Variants in CCNY observed in about 807,000 individuals in gnomAD.
CCNY encodes cyclin-Y.
A neutral mutation model predicts 42.8 loss-of-function variants in CCNY; 19 were observed. The ratio of observed to expected loss-of-function variants is 0.44; its 90% CI spans 0.31 to 0.65. The LOEUF is 0.65. CCNY is among the 30% of genes least tolerant of loss of function. The pLI is 0.07. For synonymous variants in CCNY, 165 were observed against 162.7 expected, an observed-to-expected ratio of 1.01 and a Z score of -0.11; for missense variants, 370 against 437.3, an observed-to-expected ratio of 0.85 and a Z score of 1.37.
intron 3 of CCNY, among the ~76,000 whole-genome samples, chr10:35,274,433 G>A (rs1181299113): frequency 6.6e-6 from 1 of 152,112 alleles, no homozygotes; most frequent in Admixed American, 6.6e-5. Flanking sequence ...GGGGTGGGGA[G>A]GGAATATCCC....
intron 1 of CCNY, among the ~76,000 whole-genome samples, chr10:35,384,877 T>C (rs771562408): frequency 2.0e-5 from 3 of 152,296 alleles, no homozygotes; most frequent in South Asian, 4.1e-4. Flanking sequence ...ATTGATGCCT[T>C]GGTGGGATTA....
intron 3 of CCNY, among the ~76,000 whole-genome samples, chr10:35,306,657 C>A (rs1292448165): frequency 6.6e-6 from 1 of 151,984 alleles, no homozygotes; most frequent in East Asian, 1.9e-4. Context: ...ACTGTCCTCA[C>A]CCCTTCTCCC....
chr10:35,266,887 C>T (rs2095726123), intron 3 of CCNY, among the ~76,000 whole-genome samples: 1 of 151,860 alleles, frequency 6.6e-6, no homozygotes, highest in Admixed American at 6.6e-5. Context: ...AGTTCGAGAC[C>T]AGCCTGGCCA....
chr10:35,427,788 T>C (rs954581323), intron 1 of CCNY, among the ~76,000 whole-genome samples: 5 of 152,112 alleles, frequency 3.3e-5, no homozygotes, highest in Non-Finnish European at 7.4e-5. Context: ...TAAAGCAGAG[T>C]GAAGTTAAAC....
intron 7 of CCNY, among the ~76,000 whole-genome samples, chr10:35,543,252 G>A (rs1042146802): frequency 6.6e-5 from 10 of 152,288 alleles, no homozygotes; most frequent in Admixed American, 3.3e-4. Flanking sequence ...TAGTTCTACA[G>A]CTGTGACATA....
At chr10:35,443,020 C>G (rs914068749) in intron 1 of CCNY, among the ~76,000 whole-genome samples, 1 of 152,140 alleles carries the variant, frequency 6.6e-6, no homozygotes, top group Non-Finnish European at 1.5e-5. Context: ...ACTTGTATAT[C>G]TAAACATCCC....
chr10:35,474,456 G>T (rs1164084478), intron 1 of CCNY, among the ~76,000 whole-genome samples: 4 of 152,172 alleles, frequency 2.6e-5, no homozygotes, highest in Admixed American at 2.0e-4. Flanking sequence ...ATCTGGGAAC[G>T]GGCAGACTGC....
intron 3 of CCNY, among the ~76,000 whole-genome samples, chr10:35,257,313 C>CT (rs1358077081): frequency 3.3e-5 from 4 of 122,336 alleles, no homozygotes; most frequent in Non-Finnish European, 3.4e-5. Flanking sequence ...CTCTTTCTTT[C>CT]TGTTTTTTTT....
At chr10:35,438,028 G>C (rs1198436389) in intron 1 of CCNY, among the ~76,000 whole-genome samples, 2 of 152,144 alleles carry the variant, frequency 1.3e-5, no homozygotes, top group East Asian at 1.9e-4. Flanking sequence ...ACTCTTACCA[G>C]CTTCTGTGTG....
At chr10:35,469,537 A>AAGATGGAGAGGCAGAACGGG (rs1839340676) in intron 1 of CCNY, among the ~76,000 whole-genome samples, 1 of 152,204 alleles carries the variant, frequency 6.6e-6, no homozygotes, top group Non-Finnish European at 1.5e-5. Flanking sequence ...TGGAAAGAGG[A>AAGATGGAGAGGCAGAACGGG]AGATGGAGAG....
intron 3 of CCNY, among the ~76,000 whole-genome samples, chr10:35,276,004 T>G (rs147286420): frequency 1.3e-5 from 2 of 152,224 alleles, no homozygotes; most frequent in Non-Finnish European, 2.9e-5. Context: ...TGGTTACCCA[T>G]GTAAGCAGCC....
At chr10:35,511,675 C>T (rs1316761666) in intron 3 of CCNY, among the ~76,000 whole-genome samples, 1 of 152,122 alleles carries the variant, frequency 6.6e-6, no homozygotes, top group Non-Finnish European at 1.5e-5. Flanking sequence ...GGAATTCTAC[C>T]CTGCAGTGCA....
At chr10:35,344,769 C>T (rs1237727505) in intron 1 of CCNY, among the ~76,000 whole-genome samples, 1 of 152,082 alleles carries the variant, frequency 6.6e-6, no homozygotes, top group Non-Finnish European at 1.5e-5. Context: ...TGTTCCCCTT[C>T]CTGTGTCCAT....
At chr10:35,499,569 C>T (rs1840069720) in intron 2 of CCNY, among the ~76,000 whole-genome samples, 1 of 152,218 alleles carries the variant, frequency 6.6e-6, no homozygotes, top group African/African-American at 2.4e-5. Flanking sequence ...TGAATAATTC[C>T]TAATCTTCTC....
intron 7 of CCNY, among the ~76,000 whole-genome samples, chr10:35,545,569 C>G (rs1369087781): frequency 6.6e-6 from 1 of 152,182 alleles, no homozygotes; most frequent in Non-Finnish European, 1.5e-5. Flanking sequence ...CTAATGACCT[C>G]GTTTTAACTC....
At chr10:35,342,007 T>G (rs1836192219) in intron 1 of CCNY, among the ~76,000 whole-genome samples, 1 of 152,186 alleles carries the variant, frequency 6.6e-6, no homozygotes, top group African/African-American at 2.4e-5. Context: ...ATTATGAACA[T>G]AGTCACTTAT....
intron 8 of CCNY, among the ~76,000 whole-genome samples, chr10:35,558,495 G>A (rs146242136): frequency 1.2e-3 from 188 of 152,346 alleles, no homozygotes; most frequent in African/African-American, 4.0e-3. Flanking sequence ...TCCTGTAACA[G>A]ATGCTATTCA....
At chr10:35,293,886 G>A (rs755820830) in intron 3 of CCNY, among the ~76,000 whole-genome samples, 3 of 151,620 alleles carry the variant, frequency 2.0e-5, no homozygotes, top group Non-Finnish European at 4.4e-5. Flanking sequence ...TGCCTCCTGG[G>A]TTCAAGTGAT....
At chr10:35,352,921 TTTTC>T (rs905763086) in intron 1 of CCNY, among the ~76,000 whole-genome samples, 6 of 152,110 alleles carry the variant, frequency 3.9e-5, no homozygotes, top group African/African-American at 1.4e-4. Flanking sequence ...TATGTTCCTT[TTTTC>T]TTTCTTTCTT....
Sources: allele counts gnomAD v4.1 joint callset (sites outside exome capture counted in the v4.1 genomes callset), GRCh38; gene constraint gnomAD v4.1.1; transcripts MANE v1.5; gene names NCBI Gene and HGNC (gene_info 2026-07-23, HGNC 2026-07-21).